Variants in MGAT4C observed in about 807,000 individuals in gnomAD.
MGAT4C encodes MGAT4 family member C.
In MGAT4C, 19 loss-of-function variants were observed where a neutral mutation model predicts 40.1. The ratio of observed to expected loss-of-function variants is 0.47; its 90% CI spans 0.33 to 0.70. The LOEUF is 0.70. MGAT4C is among the 30% of genes least tolerant of loss of function. MGAT4C has a pLI of 0.02. For missense variants in MGAT4C, 491 were observed against 563.2 expected (o/e 0.87, Z 1.30); for synonymous variants, 181 against 187.1 (o/e 0.97, Z 0.27).
chr12:86,790,533 G>A (rs1952004873), intron 1 of MGAT4C, among the ~76,000 whole-genome samples: 1 of 152,102 alleles, frequency 6.6e-6, no homozygotes, highest in Non-Finnish European at 1.5e-5. Flanking sequence ...AAATAGATAT[G>A]AGAATCTATT....
chr12:86,377,142 C>A (rs530247520), intron 3 of MGAT4C, among the ~76,000 whole-genome samples: 1 of 151,054 alleles, frequency 6.6e-6, no homozygotes, highest in South Asian at 2.1e-4. Flanking sequence ...CTCACTGCAA[C>A]CTCCACCTCC....
At chr12:86,091,052 G>A (rs931911133) in intron 1 of MGAT4C, among the ~76,000 whole-genome samples, 3 of 151,768 alleles carry the variant, frequency 2.0e-5, no homozygotes, top group African/African-American at 7.3e-5. Context: ...AGTGAAATGA[G>A]AAAACAATAA....
chr12:86,716,881 C>T (rs1028954683), intron 2 of MGAT4C, among the ~76,000 whole-genome samples: 27 of 152,048 alleles, frequency 1.8e-4, no homozygotes, highest in African/African-American at 6.3e-4. Flanking sequence ...TGGGAGAGTT[C>T]GGGTATTCCC....
chr12:86,339,158 G>A (rs1416471667), intron 3 of MGAT4C, among the ~76,000 whole-genome samples: 2 of 152,004 alleles, frequency 1.3e-5, no homozygotes, highest in Non-Finnish European at 2.9e-5. Flanking sequence ...AGCACAAAGA[G>A]GTTAAACAAT....
At chr12:86,586,898 G>A (rs917478052) in intron 2 of MGAT4C, among the ~76,000 whole-genome samples, 81 of 151,862 alleles carry the variant, frequency 5.3e-4, no homozygotes, top group Non-Finnish European at 9.3e-4. Context: ...CCCATTTTGT[G>A]GGTTGCCTGT....
chr12:86,743,127 T>TGA (rs1951099488), intron 1 of MGAT4C, among the ~76,000 whole-genome samples: 1 of 135,692 alleles, frequency 7.4e-6, no homozygotes, highest in Non-Finnish European at 1.6e-5. Context: ...TGTGTGTGTG[T>TGA]GTGTGTGTGT....
chr12:86,063,006 A>G (rs368280859), intron 1 of MGAT4C, among the ~76,000 whole-genome samples: 8 of 152,102 alleles, frequency 5.3e-5, no homozygotes, highest in African/African-American at 1.7e-4. Flanking sequence ...AACACTCAAA[A>G]TCCAGAAAAT....
chr12:86,073,433 G>A (rs180920944), intron 1 of MGAT4C, among the ~76,000 whole-genome samples: 112 of 152,328 alleles, frequency 7.4e-4, no homozygotes, highest in African/African-American at 2.5e-3. Context: ...TTTGGAACTG[G>A]GTAACAGGTA....
Position 86,441,331 on chromosome 12 carries a change from T to TATTA in MGAT4C, c.-228-6067_-228-6066insTAAT, listed in dbSNP as rs1565764758. Among the ~76,000 whole-genome samples the TATTA allele has an allele frequency of 1.3e-3, 191 of 150,942 alleles. 1 individual carries two copies. Among genetic ancestry groups the TATTA allele is most frequent in the African/African-American group, 4.2e-3 (174 of 41,254 alleles). On this transcript the variant is annotated intron_variant, in intron 2 of 7. Coordinates refer to the MGAT4C transcript ENST00000548651. ...AAGCCAAATCAACCAACTGATTTTT[T>TATTA]TTATTATTATTTTTATTATTATTAT...
intron 2 of MGAT4C, among the ~76,000 whole-genome samples, chr12:86,659,432 G>A (rs146486451): frequency 1.1e-3 from 172 of 152,122 alleles, no homozygotes; most frequent in African/African-American, 4.0e-3. Flanking sequence ...AATCAAAATG[G>A]GAACGACAGT....
At chr12:86,171,919 G>GA (rs1363178378) in intron 1 of MGAT4C, among the ~76,000 whole-genome samples, 2 of 152,136 alleles carry the variant, frequency 1.3e-5, no homozygotes, top group Non-Finnish European at 2.9e-5. Context: ...TTCATAAACA[G>GA]AAATGAACAT....
At chr12:86,781,011 ATT>A (rs55878225) in intron 1 of MGAT4C, among the ~76,000 whole-genome samples, 100,492 of 149,268 alleles carry the variant, frequency 0.67, 35,599 homozygotes, top group South Asian at 0.79. Flanking sequence ...ATGGCTGAGT[ATT>A]GTGTGTGTGT....
chr12:86,037,756 T>G (rs1448289706), intron 2 of MGAT4C, among the ~76,000 whole-genome samples: 2 of 149,996 alleles, frequency 1.3e-5, no homozygotes, highest in African/African-American at 4.8e-5. Context: ...CTGAGAAGAA[T>G]GTATGTTCTG....
rs1238534029 is a variant in MGAT4C, at chr12:85,969,089, T to C, written c.*10200A>G. ...AAAATACATTGAAAGTGCCAATTCC[T>C]AGATCTATCCTAGATTTACAGGGAA... is the stretch of plus-strand genomic sequence containing the variant. On this transcript the variant is annotated 3_prime_UTR_variant, in exon 5 of 5. Transcript: ENST00000611864. The C allele has an allele frequency of 2.0e-5, 3 of 151,806 alleles. No individual in the cohort carries two copies. The highest frequency in any genetic ancestry group is 4.1e-4 in the South Asian group (2 of 4,834). The allele number at this position is 151,806 out of a possible 1,614,324, so 9.4% of individuals were successfully genotyped here. A position where few individuals can be genotyped will look rare whatever the true frequency, so the allele number is the denominator to read the frequency against.
intron 1 of MGAT4C, among the ~76,000 whole-genome samples, chr12:86,823,864 C>T (rs1229222251): frequency 6.6e-6 from 1 of 151,168 alleles, no homozygotes; most frequent in Non-Finnish European, 1.5e-5. Context: ...TAAGTATATT[C>T]CCATGGAATA....
intron 2 of MGAT4C, among the ~76,000 whole-genome samples, chr12:86,589,533 A>C (rs1012509509): frequency 1.3e-5 from 2 of 151,812 alleles, no homozygotes; most frequent in African/African-American, 4.8e-5. Flanking sequence ...AAAAGAGGGA[A>C]TCCTCCCTAA....
intron 2 of MGAT4C, among the ~76,000 whole-genome samples, chr12:86,508,186 C>G (rs1269174486): frequency 6.6e-6 from 1 of 152,058 alleles, no homozygotes; most frequent in East Asian, 1.9e-4. Context: ...TTAGGTATAT[C>G]TCCTAATGCT....
At chr12:86,408,489 A>C (rs751501442) in intron 3 of MGAT4C, among the ~76,000 whole-genome samples, 5,816 of 103,608 alleles carry the variant, frequency 0.056, 153 homozygotes, top group African/African-American at 0.061. Context: ...CTATATATAT[A>C]TATATATATA....
At chr12:86,667,361 A>C (rs1474104400) in intron 2 of MGAT4C, among the ~76,000 whole-genome samples, 1 of 152,170 alleles carries the variant, frequency 6.6e-6, no homozygotes, top group Non-Finnish European at 1.5e-5. Flanking sequence ...CTAACATGTA[A>C]ACGTTTCAGT....
Sources: gnomAD v4.1 joint callset for allele counts (sites outside exome capture counted in the v4.1 genomes callset) on GRCh38, gnomAD v4.1.1 for gene constraint, MANE v1.5 for transcripts, NCBI Gene and HGNC (gene_info 2026-07-23, HGNC 2026-07-21) for gene names.